SPOCK3: variants seen among roughly 807,000 people sequenced by gnomAD.
The protein encoded by SPOCK3 is testican-3.
Under a neutral mutation model 56.6 loss-of-function variants are expected in SPOCK3, and 30 were observed. That is an observed-to-expected ratio of 0.53 (90% CI 0.40 to 0.72). The LOEUF is 0.72. Among genes scored for constraint, SPOCK3 ranks in the 30% least tolerant of loss-of-function variants. The pLI is 0.00. For missense variants in SPOCK3, 527 were observed against 530.0 expected, an observed-to-expected ratio of 0.99 and a Z score of 0.06; for synonymous variants, 196 against 183.3, an observed-to-expected ratio of 1.07 and a Z score of -0.56.
chr4:166,848,222 T>C (rs1226596439), intron 6 of SPOCK3, among the ~76,000 whole-genome samples: 1 of 152,206 alleles, frequency 6.6e-6, no homozygotes, highest in Non-Finnish European at 1.5e-5. Flanking sequence ...TGGAGTACAG[T>C]AGAGCTTTGA....
At chr4:166,955,204 T>C (rs1743255524) in intron 4 of SPOCK3, among the ~76,000 whole-genome samples, 1 of 151,858 alleles carries the variant, frequency 6.6e-6, no homozygotes, top group South Asian at 2.1e-4. Context: ...AATGTATGAG[T>C]TTCTATGTCT....
chr4:166,908,187 T>C (rs903782712), intron 5 of SPOCK3, among the ~76,000 whole-genome samples: 2 of 151,806 alleles, frequency 1.3e-5, no homozygotes, highest in East Asian at 3.9e-4. Flanking sequence ...TAAAACATTA[T>C]AGTAGCATGT....
intron 2 of SPOCK3, among the ~76,000 whole-genome samples, chr4:167,064,515 C>T (rs938150978): frequency 6.6e-6 from 1 of 151,924 alleles, no homozygotes; most frequent in African/African-American, 2.4e-5. Context: ...GTAACATACT[C>T]ATTTAATATC....
intron 4 of SPOCK3, among the ~76,000 whole-genome samples, chr4:166,933,593 T>C (rs148027301): frequency 2.3e-3 from 350 of 152,326 alleles, no homozygotes; most frequent in Middle Eastern, 6.8e-3. Context: ...AGACAATTCA[T>C]GTGAATCTTC....
At chr4:167,017,705 CG>C (rs1442411726) in intron 3 of SPOCK3, among the ~76,000 whole-genome samples, 1 of 151,896 alleles carries the variant, frequency 6.6e-6, no homozygotes, top group East Asian at 1.9e-4. Context: ...CCATCCTGAC[CG>C]TTTGTATATG....
At chr4:166,974,595 G>A (rs1018811131) in intron 4 of SPOCK3, among the ~76,000 whole-genome samples, 25 of 151,900 alleles carry the variant, frequency 1.6e-4, no homozygotes, top group African/African-American at 6.0e-4. Context: ...CTCTATATGT[G>A]TGTATACTCA....
intron 2 of SPOCK3, among the ~76,000 whole-genome samples, chr4:167,120,092 T>A (rs1179214623): frequency 6.6e-6 from 1 of 152,102 alleles, no homozygotes; most frequent in African/African-American, 2.4e-5. Flanking sequence ...CATATCTTTG[T>A]ATATTAAATG....
chr4:167,193,049 A>G (rs1027833195), intron 2 of SPOCK3, among the ~76,000 whole-genome samples: 1 of 146,262 alleles, frequency 6.8e-6, no homozygotes, highest in African/African-American at 2.6e-5. Flanking sequence ...TGTGAGCTTG[A>G]GAAGAATGTG....
At chr4:167,177,359 A>G (rs1731076546) in intron 2 of SPOCK3, among the ~76,000 whole-genome samples, 4 of 152,074 alleles carry the variant, frequency 2.6e-5, no homozygotes, top group Admixed American at 2.6e-4. Context: ...ATCATCATGA[A>G]AACCTTATAA....
At chr4:167,113,090 A>G (rs1421134797) in intron 2 of SPOCK3, among the ~76,000 whole-genome samples, 1 of 152,106 alleles carries the variant, frequency 6.6e-6, no homozygotes, top group Non-Finnish European at 1.5e-5. Context: ...TCAAGAGAAG[A>G]AGTGCAAATC....
chr4:166,962,687 C>A (rs1047074903), intron 4 of SPOCK3, among the ~76,000 whole-genome samples: 8 of 152,152 alleles, frequency 5.3e-5, no homozygotes, highest in African/African-American at 1.9e-4. Context: ...ACTTATGTCA[C>A]CATTTTCACG....
intron 10 of SPOCK3, among the ~76,000 whole-genome samples, 178 bp downstream of exon 10, chr4:166,737,289 T>A (rs2126353205): frequency 6.6e-6 from 1 of 152,282 alleles, no homozygotes; most frequent in South Asian, 2.1e-4. Context: ...CCACTTATTA[T>A]CTATCCAAGT....
intron 3 of SPOCK3, among the ~76,000 whole-genome samples, chr4:167,048,221 G>C (rs1753892872): frequency 6.6e-6 from 1 of 151,368 alleles, no homozygotes; most frequent in African/African-American, 2.4e-5. Flanking sequence ...TTCAATAGTA[G>C]AAGTAAACAT....
intron 2 of SPOCK3, among the ~76,000 whole-genome samples, chr4:167,159,730 T>G (rs1765120820): frequency 6.6e-6 from 1 of 152,144 alleles, no homozygotes; most frequent in African/African-American, 2.4e-5. Context: ...GCAAGGCTGA[T>G]TCAACATACG....
intron 6 of SPOCK3, among the ~76,000 whole-genome samples, chr4:166,863,314 AC>A: frequency 6.6e-6 from 1 of 152,248 alleles, no homozygotes; most frequent in South Asian, 2.1e-4. Flanking sequence ...AAAAACCACT[AC>A]CAGCCACTGC....
At chr4:166,803,286 T>C (rs112620932) in intron 6 of SPOCK3, among the ~76,000 whole-genome samples, 100 of 152,252 alleles carry the variant, frequency 6.6e-4, no homozygotes, top group African/African-American at 2.3e-3. Context: ...TTCTGAAACT[T>C]TGATTCATAA....
At chr4:167,096,269 T>A (rs1292755793) in intron 2 of SPOCK3, among the ~76,000 whole-genome samples, 1 of 152,060 alleles carries the variant, frequency 6.6e-6, no homozygotes, top group Middle Eastern at 3.4e-3. Flanking sequence ...CAGTTGTTAT[T>A]TTTTTCTACT....
intron 2 of SPOCK3, among the ~76,000 whole-genome samples, chr4:167,186,655 A>G (rs1731994455): frequency 6.6e-6 from 1 of 151,814 alleles, no homozygotes; most frequent in Admixed American, 6.6e-5. Context: ...AACAACAACA[A>G]AAAAAACAGA....
intron 2 of SPOCK3, among the ~76,000 whole-genome samples, chr4:167,232,813 C>A (rs1737313475): frequency 6.6e-6 from 1 of 152,138 alleles, no homozygotes; most frequent in East Asian, 1.9e-4. Context: ...AATCCCTCTG[C>A]TAGATTTGGC....
Sources: allele counts gnomAD v4.1 joint callset (sites outside exome capture counted in the v4.1 genomes callset), GRCh38; gene constraint gnomAD v4.1.1; transcripts MANE v1.5; gene names NCBI Gene and HGNC (gene_info 2026-07-23, HGNC 2026-07-21).